The following DSCAM variants were observed in gnomAD, a reference collection of about 807,000 sequenced individuals.
DSCAM encodes the protein DS cell adhesion molecule, also known as cell adhesion molecule DSCAM.
Under a neutral mutation model 217.7 loss-of-function variants are expected in DSCAM, and 47 were observed. That is an observed-to-expected ratio of 0.22 (90% confidence interval 0.17 to 0.28). The LOEUF is 0.28. DSCAM is among the 10% of genes least tolerant of loss of function. The pLI is 1.00. For synonymous variants in DSCAM, 1,056 were observed against 1,015.3 expected, an observed-to-expected ratio of 1.04 and a Z score of -0.76; for missense variants, 2,080 against 2,618.3, an observed-to-expected ratio of 0.79 and a Z score of 4.49.
At chr21:40,281,714 AT>A (rs201168422) in intron 10 of DSCAM, among the ~76,000 whole-genome samples, 4 of 151,602 alleles carry the variant, frequency 2.6e-5, no homozygotes, top group Non-Finnish European at 4.4e-5. Context: ...ATTTTGGCGG[AT>A]TTTTTTTGTA....
intron 3 of DSCAM, among the ~76,000 whole-genome samples, chr21:40,425,686 A>C (rs1254585418): frequency 4.6e-5 from 7 of 151,584 alleles, no homozygotes; most frequent in Non-Finnish European, 1.0e-4. Context: ...AAAAAAAAAA[A>C]AAAACTCTTC....
At chr21:40,800,962 CTT>C (rs200592326) in intron 1 of DSCAM, among the ~76,000 whole-genome samples, 3 of 142,100 alleles carry the variant, frequency 2.1e-5, no homozygotes, top group African/African-American at 2.6e-5. Context: ...CTTTCTTCTC[CTT>C]TTTTTTTTTT....
intron 1 of DSCAM, among the ~76,000 whole-genome samples, chr21:40,784,812 C>G (rs9979297): frequency 0.69 from 105,552 of 152,052 alleles, 37,086 homozygotes; most frequent in South Asian, 0.78. Context: ...GAACCTTCTG[C>G]TGCTTTAATG....
chr21:40,283,257 C>T (rs2073786556), intron 10 of DSCAM, among the ~76,000 whole-genome samples: 1 of 152,158 alleles, frequency 6.6e-6, no homozygotes. Context: ...ACAAGGTAAG[C>T]ACTTTAGGTA....
chr21:40,559,806 T>C (rs1423748612), intron 3 of DSCAM, among the ~76,000 whole-genome samples: 16 of 108,370 alleles, frequency 1.5e-4, no homozygotes, highest in South Asian at 3.0e-4. Context: ...TTTTTTTTTT[T>C]CTTTGAGATG....
intron 3 of DSCAM, among the ~76,000 whole-genome samples, chr21:40,568,621 A>G (rs1479628814): frequency 1.3e-5 from 2 of 152,240 alleles, no homozygotes; most frequent in African/African-American, 2.4e-5. Flanking sequence ...GCTGGAAGTT[A>G]TATTGATTTT....
chr21:40,342,649 T>TATATATATA (rs1555907253), intron 6 of DSCAM, among the ~76,000 whole-genome samples: 2 of 39,006 alleles, frequency 5.1e-5, no homozygotes, highest in Admixed American at 3.1e-4. Context: ...TATATATATA[T>TATATATATA]TTTTTTTTTT....
intron 3 of DSCAM, among the ~76,000 whole-genome samples, chr21:40,373,580 C>T (rs2074921080): frequency 6.6e-6 from 1 of 152,184 alleles, no homozygotes; most frequent in African/African-American, 2.4e-5. Context: ...TATTTATCCC[C>T]ATACCTGCTT....
chr21:40,707,097 A>G (rs563943318), intron 2 of DSCAM, among the ~76,000 whole-genome samples: 1 of 152,362 alleles, frequency 6.6e-6, no homozygotes, highest in African/African-American at 2.4e-5. Flanking sequence ...AGGAGTAAGC[A>G]TTTCATTCCT....
At position 40,365,507 on chromosome 21, in the gene DSCAM, T is replaced by C. The variant is rs147900759; in HGVS notation, c.655+3592A>G. Among the ~76,000 whole-genome samples the C allele has an allele frequency of 4.1e-3, 620 of 152,312 alleles. 3 individuals carry two copies. The highest frequency in any genetic ancestry group is 0.014 in the African/African-American group (590 of 41,570). On this transcript the variant is annotated intron_variant, in intron 4 of 32. Transcript: ENST00000400454. ...TTGCAGACGGCCTATTGTGGGACTT[T>C]ACCTTGTGATCACGTGAGTCATTAC...
intron 1 of DSCAM, among the ~76,000 whole-genome samples, chr21:40,816,130 A>T (rs1358625861): frequency 1.3e-5 from 2 of 152,236 alleles, no homozygotes; most frequent in East Asian, 3.8e-4. Context: ...AGTGGGGATA[A>T]CATATTCAAT....
chr21:40,664,000 C>G (rs1270784643), intron 3 of DSCAM, among the ~76,000 whole-genome samples: 1 of 152,182 alleles, frequency 6.6e-6, no homozygotes, highest in Non-Finnish European at 1.5e-5. Flanking sequence ...GAGTTTATAA[C>G]AGGCTTATAA....
At chr21:40,667,317 G>A (rs541384214) in intron 3 of DSCAM, among the ~76,000 whole-genome samples, 2 of 152,130 alleles carry the variant, frequency 1.3e-5, no homozygotes, top group Non-Finnish European at 2.9e-5. Context: ...AGATGCAAAT[G>A]GACAGTATCT....
At chr21:40,029,041 A>G (rs1213835637) in intron 32 of DSCAM, among the ~76,000 whole-genome samples, 2 of 152,098 alleles carry the variant, frequency 1.3e-5, no homozygotes, top group South Asian at 2.1e-4. Flanking sequence ...GTCTTCTTCC[A>G]TAAGGGATGA....
At chr21:40,466,044 G>C (rs905522028) in intron 3 of DSCAM, among the ~76,000 whole-genome samples, 2 of 152,204 alleles carry the variant, frequency 1.3e-5, no homozygotes, top group African/African-American at 4.8e-5. Flanking sequence ...GTCACAAGGA[G>C]TGCAATAAAA....
intron 3 of DSCAM, among the ~76,000 whole-genome samples, chr21:40,528,772 T>C (rs1174276059): frequency 6.6e-6 from 1 of 152,084 alleles, no homozygotes; most frequent in East Asian, 1.9e-4. Context: ...TAAGTCATTG[T>C]CTCTGCTTTC....
intron 20 of DSCAM, among the ~76,000 whole-genome samples, chr21:40,116,671 C>T (rs1046110402): frequency 6.6e-6 from 1 of 151,154 alleles, no homozygotes; most frequent in Non-Finnish European, 1.5e-5. Context: ...TGTGGTATCT[C>T]CATAATTTTC....
rs868025626 is a variant in DSCAM at position 40,637,506 on chromosome 21, T to A, written c.508+55304A>T. Reference sequence around the variant, plus strand: ...ATATATAAAAATATATAAATATATATAAATATATAAATATATATAAATATA... The same window carrying A: ...ATATATAAAAATATATAAATATATAAAAATATATAAATATATATAAATATA... On this transcript the variant is annotated intron_variant, in intron 3 of 32. Coordinates refer to ENST00000400454, the MANE Select transcript of DSCAM (RefSeq NM_001389.5). Among the ~76,000 whole-genome samples the A allele has an allele frequency of 7.7e-4, 36 of 46,964 alleles. 11 individuals are homozygous for A. The South Asian group carries it at 0.011, about 15-fold the overall frequency. The allele number at this position is 46,964 out of a possible 152,430, so 30.8% of individuals were successfully genotyped here. A position where few individuals can be genotyped will look rare whatever the true frequency, so the allele number is the denominator to read the frequency against.
chr21:40,568,911 C>G (rs1230685668), intron 3 of DSCAM, among the ~76,000 whole-genome samples: 1 of 152,174 alleles, frequency 6.6e-6, no homozygotes, highest in East Asian at 1.9e-4. Context: ...CCCTTGGCAG[C>G]AGGGCCCACA....
Sources: gnomAD v4.1 joint callset for allele counts (sites outside exome capture counted in the v4.1 genomes callset) on GRCh38, gnomAD v4.1.1 for gene constraint, MANE v1.5 for transcripts, NCBI Gene and HGNC (gene_info 2026-07-23, HGNC 2026-07-21) for gene names.